Variants in NBEA observed in about 807,000 individuals in gnomAD.
The protein encoded by NBEA is neurobeachin.
In NBEA, 44 loss-of-function variants were observed where a neutral mutation model predicts 343.4. That is an observed-to-expected ratio of 0.13 (90% confidence interval 0.10 to 0.16). The LOEUF is 0.16. Ranked by LOEUF, NBEA falls within the 10% of genes least tolerant of loss-of-function variation. NBEA has a pLI of 1.00. For synonymous variants in NBEA, 1,175 were observed against 1,238.7 expected (o/e 0.95, Z 1.08); for missense variants, 2,555 against 3,631.3 (o/e 0.70, Z 7.62).
At chr13:35,078,805 C>T (rs962095060) in intron 10 of NBEA, among the ~76,000 whole-genome samples, 2 of 152,062 alleles carry the variant, frequency 1.3e-5, no homozygotes, top group Non-Finnish European at 2.9e-5. Context: ...GGGCGGATCA[C>T]GAGGTCAAGA....
intron 39 of NBEA, among the ~76,000 whole-genome samples, chr13:35,451,532 C>T (rs746111996): frequency 6.6e-6 from 1 of 152,162 alleles, no homozygotes; most frequent in Non-Finnish European, 1.5e-5. Flanking sequence ...TTTTATGTCT[C>T]CATCATTTCT....
At chr13:35,457,991 A>G (rs1181659734) in intron 40 of NBEA, among the ~76,000 whole-genome samples, 4 of 152,208 alleles carry the variant, frequency 2.6e-5, no homozygotes, top group African/African-American at 9.6e-5. Context: ...TGGACATTCA[A>G]GTTGTTTCCA....
At chr13:35,254,496 A>AT (rs1279460678) in intron 34 of NBEA, among the ~76,000 whole-genome samples, 1 of 151,688 alleles carries the variant, frequency 6.6e-6, no homozygotes, top group African/African-American at 2.4e-5. Context: ...TTTTTAAAAA[A>AT]TTTTTTGTGG....
intron 34 of NBEA, among the ~76,000 whole-genome samples, chr13:35,233,002 A>G (rs2075055226): frequency 6.6e-6 from 1 of 152,086 alleles, no homozygotes; most frequent in Non-Finnish European, 1.5e-5. Flanking sequence ...TATTCACATA[A>G]CATTTGTAGT....
At chr13:35,483,524 A>G (rs1412441252) in intron 41 of NBEA, among the ~76,000 whole-genome samples, 2 of 152,004 alleles carry the variant, frequency 1.3e-5, no homozygotes, top group African/African-American at 2.4e-5. Flanking sequence ...AATATACATT[A>G]TTATGTAAAT....
At chr13:35,599,445 C>T (rs1479188537) in intron 47 of NBEA, among the ~76,000 whole-genome samples, 4 of 152,326 alleles carry the variant, frequency 2.6e-5, no homozygotes, top group Non-Finnish European at 4.4e-5. Flanking sequence ...GCAGAATCTA[C>T]AGTGGCTTTG....
intron 10 of NBEA, among the ~76,000 whole-genome samples, chr13:35,088,756 A>C (rs532015617): frequency 6.6e-6 from 1 of 151,330 alleles, no homozygotes; most frequent in Non-Finnish European, 1.5e-5. Flanking sequence ...ATAACGCTGC[A>C]TATCTACAAC....
intron 1 of NBEA, among the ~76,000 whole-genome samples, chr13:34,954,963 A>G (rs929651606): frequency 6.6e-6 from 1 of 152,176 alleles, no homozygotes; most frequent in African/African-American, 2.4e-5. Flanking sequence ...TTTTAAAAAA[A>G]GTTTTCTGGA....
intron 38 of NBEA, among the ~76,000 whole-genome samples, chr13:35,403,573 T>A (rs1297747558): frequency 6.6e-6 from 1 of 152,004 alleles, no homozygotes; most frequent in African/African-American, 2.4e-5. Context: ...TGAAACTGGA[T>A]CCCTTCCTTA....
chr13:35,497,340 G>A (rs1007390886), intron 41 of NBEA, among the ~76,000 whole-genome samples: 3 of 152,016 alleles, frequency 2.0e-5, no homozygotes, highest in African/African-American at 7.2e-5. Flanking sequence ...TTAAAACAAT[G>A]TTTTTGTTAC....
intron 34 of NBEA, among the ~76,000 whole-genome samples, chr13:35,281,986 C>T (rs1001477323): frequency 6.6e-6 from 1 of 151,960 alleles, no homozygotes; most frequent in Non-Finnish European, 1.5e-5. Flanking sequence ...AGTCTTGGCC[C>T]ACTGCAAGCT....
At chr13:35,003,387 A>G (rs775416400) in intron 1 of NBEA, among the ~76,000 whole-genome samples, 1 of 152,122 alleles carries the variant, frequency 6.6e-6, no homozygotes, top group Non-Finnish European at 1.5e-5. Context: ...AAGAAAGGGT[A>G]TGCAGTATGT....
At chr13:34,990,330 C>A (rs2060707540) in intron 1 of NBEA, among the ~76,000 whole-genome samples, 1 of 151,110 alleles carries the variant, frequency 6.6e-6, no homozygotes, top group African/African-American at 2.4e-5. Context: ...GCCAGGATAT[C>A]CAGACATTTC....
chr13:35,652,340 T>TAAA (rs35238270), intron 53 of NBEA, among the ~76,000 whole-genome samples: 1 of 137,606 alleles, frequency 7.3e-6, no homozygotes, highest in Non-Finnish European at 1.5e-5. Context: ...AACTTAAATT[T>TAAA]AAAAAAAAAA....
intron 34 of NBEA, among the ~76,000 whole-genome samples, chr13:35,261,971 CTT>C (rs2033254441): frequency 6.6e-6 from 1 of 152,142 alleles, no homozygotes; most frequent in Admixed American, 6.5e-5. Context: ...TCAAAAAACT[CTT>C]ATTAGCAAGA....
intron 14 of NBEA, 63 bp from the exon 15 acceptor site, chr13:35,118,165 A>AT (rs1299864665): frequency 9.3e-7 from 1 of 1,080,894 alleles, no homozygotes; most frequent in Non-Finnish European, 1.3e-6. Flanking sequence ...TTATTTTGAC[A>AT]TCTTTTTTAA....
chr13:35,105,969 A>G lies in NBEA; in HGVS notation c.1681-3321A>G, dbSNP rs143510247. On this transcript the variant is annotated intron_variant, in intron 11 of 58. Coordinates refer to ENST00000379939, the MANE Select transcript of NBEA (RefSeq NM_001385012.1). ...CTAAATGTTGGAACAATCTCTCTTT[A>G]TTGAATAGAAGTTTCTCTTTGTAAC... 7.9e-5 allele frequency among the ~76,000 whole-genome samples: 12 copies of G among 152,134 alleles called. No homozygotes were observed. The East Asian group carries it at 2.3e-3, about 29-fold the overall frequency.
At chr13:35,531,262 A>G (rs1389414425) in intron 41 of NBEA, among the ~76,000 whole-genome samples, 2 of 152,200 alleles carry the variant, frequency 1.3e-5, no homozygotes, top group Non-Finnish European at 1.5e-5. Flanking sequence ...AAAAGTAGCT[A>G]TTGACATCTG....
chr13:35,601,691 G>A (rs1220658047), intron 47 of NBEA, among the ~76,000 whole-genome samples: 2 of 146,528 alleles, frequency 1.4e-5, no homozygotes, highest in African/African-American at 5.0e-5. Flanking sequence ...GAACCTGGGA[G>A]GTGTAGGTTG....
Sources: gnomAD v4.1 joint callset for allele counts (sites outside exome capture counted in the v4.1 genomes callset) on GRCh38, gnomAD v4.1.1 for gene constraint, MANE v1.5 for transcripts, NCBI Gene and HGNC (gene_info 2026-07-23, HGNC 2026-07-21) for gene names.